SCARA5: variants seen among roughly 807,000 people sequenced by gnomAD.
SCARA5 encodes the protein scavenger receptor class A member 5.
SCARA5 carries 45 observed loss-of-function variants against 46.3 expected under a neutral mutation model. That is an observed-to-expected ratio of 0.97 (90% confidence interval 0.76 to 1.24). The LOEUF (loss-of-function observed/expected upper bound fraction) is 1.24. SCARA5 is among the 50% of genes most tolerant of loss of function. The pLI is 0.00. For missense variants in SCARA5, 680 were observed against 689.0 expected (o/e 0.99, Z 0.15); for synonymous variants, 333 against 306.5 (o/e 1.09, Z -0.90).
intron 8 of SCARA5, among the ~76,000 whole-genome samples, chr8:27,874,020 A>G (rs1806685561): frequency 6.6e-6 from 1 of 152,250 alleles, no homozygotes; most frequent in Non-Finnish European, 1.5e-5. Flanking sequence ...AGCTTGGGTG[A>G]CAGAGCAAGA....
intron 6 of SCARA5, among the ~76,000 whole-genome samples, chr8:27,906,771 C>T (rs1410212050): frequency 1.3e-5 from 2 of 152,192 alleles, no homozygotes; most frequent in Non-Finnish European, 2.9e-5. Flanking sequence ...ACAATCATAG[C>T]TCACTATAGC....
At chr8:27,893,028 C>G (rs528594656) in intron 7 of SCARA5, among the ~76,000 whole-genome samples, 1 of 152,286 alleles carries the variant, frequency 6.6e-6, no homozygotes, top group South Asian at 2.1e-4. Flanking sequence ...GGTGGCAGTC[C>G]TCCCAGCAGC....
chr8:27,929,758 C>A (rs1242195465), intron 3 of SCARA5, among the ~76,000 whole-genome samples: 1 of 152,158 alleles, frequency 6.6e-6, no homozygotes, highest in Admixed American at 6.5e-5. Context: ...TTATTAATCA[C>A]CTACTGTATG....
intron 3 of SCARA5, among the ~76,000 whole-genome samples, chr8:27,962,838 G>A (rs559315987): frequency 3.9e-5 from 6 of 152,300 alleles, no homozygotes; most frequent in South Asian, 2.1e-4. Context: ...ATCTCATGAC[G>A]TTTTATTCCT....
At chr8:27,954,225 T>C (rs1258384604) in intron 3 of SCARA5, among the ~76,000 whole-genome samples, 1 of 151,960 alleles carries the variant, frequency 6.6e-6, no homozygotes, top group African/African-American at 2.4e-5. Flanking sequence ...AGAGGCCAGC[T>C]GGCCCCTCCA....
intron 7 of SCARA5, among the ~76,000 whole-genome samples, chr8:27,896,746 A>G (rs1807070159): frequency 1.3e-5 from 2 of 151,942 alleles, no homozygotes; most frequent in African/African-American, 4.8e-5. Context: ...GAGGTTTACT[A>G]TGGCTTCGTC....
intron 3 of SCARA5, among the ~76,000 whole-genome samples, chr8:27,958,954 C>CA (rs1808249085): frequency 6.6e-6 from 1 of 152,144 alleles, no homozygotes; most frequent in Admixed American, 6.5e-5. Flanking sequence ...CATGAGAGGT[C>CA]AGGCGCGGTG....
intron 3 of SCARA5, among the ~76,000 whole-genome samples, chr8:27,941,654 C>T (rs143367602): frequency 0.011 from 1,672 of 152,026 alleles, 38 homozygotes; most frequent in African/African-American, 0.038. Context: ...ACCTCCCCTT[C>T]CTACACTCAT....
intron 4 of SCARA5, among the ~76,000 whole-genome samples, chr8:27,913,782 CCT>C (rs1029313025): frequency 3.3e-5 from 5 of 152,200 alleles, no homozygotes; most frequent in African/African-American, 7.2e-5. Context: ...TGCAGCTTCC[CCT>C]GTCAAGGCCC....
intron 3 of SCARA5, among the ~76,000 whole-genome samples, chr8:27,958,271 G>A (rs762723438): frequency 6.6e-6 from 1 of 152,344 alleles, no homozygotes; most frequent in East Asian, 1.9e-4. Context: ...GAAACTCAGG[G>A]TGTCAACTGG....
At chr8:27,980,772 C>A (rs923898527) in intron 2 of SCARA5, among the ~76,000 whole-genome samples, 1 of 152,200 alleles carries the variant, frequency 6.6e-6, no homozygotes, top group Non-Finnish European at 1.5e-5. Flanking sequence ...AATCAGGAGC[C>A]CTCAGGGCCC....
In SCARA5 at chr8:27,922,028, C is replaced by G; in HGVS notation, c.459G>C (p.Leu153=). 1 of 1,571,648 alleles carries G rather than the reference C, an allele frequency of 6.4e-7. No individual in the cohort carries two copies. The highest frequency in any genetic ancestry group is 8.6e-7 in the Non-Finnish European group (1 of 1,165,582). The change falls in exon 4 of 9, where the codon CTG becomes CTC. Residue 153 remains leucine, a synonymous_variant. Coordinates refer to ENST00000354914, the MANE Select transcript of SCARA5 (RefSeq NM_173833.6). The stretch of plus-strand genomic sequence containing the variant: ...GCACCGCCTGCGCCTGCAGCCCCCA[C>G]AGCGCGCCCTCCAGCCGCTGCACTG... ...AGAVQRLEGA[L]WGLQAQAVQT...
At chr8:27,904,138 A>G (rs1807210811) in intron 7 of SCARA5, among the ~76,000 whole-genome samples, 1 of 152,162 alleles carries the variant, frequency 6.6e-6, no homozygotes, top group East Asian at 1.9e-4. Flanking sequence ...CATTACTAAC[A>G]GGGTGGTCTG....
chr8:27,963,306 C>T (rs963413106), intron 3 of SCARA5, among the ~76,000 whole-genome samples: 2 of 152,206 alleles, frequency 1.3e-5, no homozygotes, highest in Admixed American at 6.5e-5. Flanking sequence ...CAGGCAATCT[C>T]AATTCTTTAG....
intron 2 of SCARA5, among the ~76,000 whole-genome samples, chr8:27,968,605 G>C (rs1331413105): frequency 4.6e-5 from 7 of 152,202 alleles, no homozygotes; most frequent in Non-Finnish European, 2.9e-5. Context: ...AAGAGTCAGA[G>C]TAGGAGGTAT....
chr8:27,876,379 G>A (rs1047569601), intron 8 of SCARA5, among the ~76,000 whole-genome samples: 5 of 152,162 alleles, frequency 3.3e-5, no homozygotes, highest in Admixed American at 6.5e-5. Flanking sequence ...CAGCAAGAAC[G>A]ACGAGGTGGG....
chr8:27,960,725 TGCTCGAAA>T (rs1392174249), intron 3 of SCARA5, among the ~76,000 whole-genome samples: 3 of 152,202 alleles, frequency 2.0e-5, no homozygotes, highest in Admixed American at 2.0e-4. Context: ...ACTCCCAGAA[TGCTCGAAA>T]GACACAGAGA....
chr8:27,915,304 T>C (rs1397496222), intron 4 of SCARA5, among the ~76,000 whole-genome samples: 2 of 152,146 alleles, frequency 1.3e-5, no homozygotes, highest in Admixed American at 1.3e-4. Flanking sequence ...GGGACTGCCC[T>C]TGCTACCGTC....
At chr8:27,988,814 G>C in intron 1 of SCARA5, among the ~76,000 whole-genome samples, 1 of 152,136 alleles carries the variant, frequency 6.6e-6, no homozygotes, top group Admixed American at 6.5e-5. Flanking sequence ...TTTAACCAAA[G>C]AACAGCATCC....
Sources: allele counts gnomAD v4.1 joint callset (sites outside exome capture counted in the v4.1 genomes callset), GRCh38; gene constraint gnomAD v4.1.1; transcripts MANE v1.5; gene names NCBI Gene and HGNC (gene_info 2026-07-23, HGNC 2026-07-21).